Variants in HDAC4 observed in about 807,000 individuals in gnomAD.
HDAC4 encodes the protein histone deacetylase 4, also known as histone deacetylase A.
Under a neutral mutation model 135.1 loss-of-function variants are expected in HDAC4, and 16 were observed. The ratio of observed to expected loss-of-function variants is 0.12; its 90% confidence interval spans 0.08 to 0.18. HDAC4 has a LOEUF of 0.18. Among genes scored for constraint, HDAC4 ranks in the 10% least tolerant of loss-of-function variants. The pLI, the probability that HDAC4 is intolerant of heterozygous loss-of-function variation, is 1.00. For synonymous variants in HDAC4, 685 were observed against 653.4 expected, an observed-to-expected ratio of 1.05 and a Z score of -0.74; for missense variants, 1,143 against 1,511.8, an observed-to-expected ratio of 0.76 and a Z score of 4.05.
intron 2 of HDAC4, among the ~76,000 whole-genome samples, chr2:239,274,770 A>G (rs535184284): frequency 3.9e-5 from 6 of 152,218 alleles, no homozygotes; most frequent in African/African-American, 1.4e-4. Flanking sequence ...GCTGCTCCAG[A>G]AAAGAAAAGG....
chr2:239,209,907 G>A (rs1311707522), intron 3 of HDAC4, among the ~76,000 whole-genome samples: 1 of 152,180 alleles, frequency 6.6e-6, no homozygotes, highest in Non-Finnish European at 1.5e-5. Context: ...TGTTAGTGAG[G>A]GCGGAAAGGC....
chr2:239,194,471 C>T (rs903298470), intron 3 of HDAC4, among the ~76,000 whole-genome samples: 1 of 152,206 alleles, frequency 6.6e-6, no homozygotes, highest in Non-Finnish European at 1.5e-5. Context: ...ACGCTCCTGC[C>T]CGCCTCACAG....
rs144383583 is a variant in HDAC4 at position 239,288,193 on chromosome 2, C to T, written c.23-51529G>A. Among the ~76,000 whole-genome samples the T allele has an allele frequency of 3.1e-3, 466 of 152,168 alleles. 4 individuals carry two copies. The highest frequency in any genetic ancestry group is 3.7e-3 in the Non-Finnish European group (253 of 68,022). ...ATTTATCACAAACAAGCTGAATCCA[C>T]TGGAAGAGATAAGGGAAGTTTAACA... On this transcript the variant is annotated intron_variant, in intron 2 of 26. Transcript: ENST00000543185.
intron 3 of HDAC4, 89 bp from the exon 4 acceptor site, chr2:239,190,166 T>A: frequency 2.0e-5 from 22 of 1,090,890 alleles, no homozygotes; most frequent in South Asian, 3.1e-5. Context: ...CTGGCCACCT[T>A]CACGGGGCGG....
intron 1 of HDAC4, among the ~76,000 whole-genome samples, chr2:239,357,477 CAACAG>C (rs368499905): frequency 2.0e-5 from 3 of 150,462 alleles, no homozygotes; most frequent in Admixed American, 6.6e-5. Context: ...TAACAGAAGA[CAACAG>C]AACAGAGAAA....
intron 3 of HDAC4, among the ~76,000 whole-genome samples, chr2:239,216,859 G>A (rs2046670373): frequency 6.6e-6 from 1 of 152,234 alleles, no homozygotes; most frequent in African/African-American, 2.4e-5. Context: ...AGGCAAGTCA[G>A]AATGTGCACA....
intron 20 of HDAC4, among the ~76,000 whole-genome samples, chr2:239,083,572 T>G (rs1436302284): frequency 1.3e-5 from 2 of 152,244 alleles, no homozygotes; most frequent in African/African-American, 4.8e-5. Context: ...ATATCTGGCT[T>G]TAAAAAGAGT....
Position 239,309,113 on chromosome 2 carries a change from C to G in HDAC4, c.22+43565G>C, listed in dbSNP as rs369092030. 6.6e-6 allele frequency: 1 copy of G among 152,144 alleles called. No individual in the cohort carries two copies. The highest frequency in any genetic ancestry group is 1.5e-5 in the Non-Finnish European group (1 of 68,024). The allele number at this position is 152,144 out of a possible 1,614,324, so 9.4% of individuals were successfully genotyped here. A position where few individuals can be genotyped will look rare whatever the true frequency, so the allele number is the denominator to read the frequency against. ...TTCAGCCCAGACTTTCGCTTAATCC[C>G]GGAAACTGCTCCAAAGGCGTTTTTC... On this transcript the variant is annotated intron_variant, in intron 2 of 26. Coordinates refer to ENST00000543185, the MANE Select transcript of HDAC4 (RefSeq NM_001378414.1). This position sits in a 1 kb window ranked among gnomAD's most constrained non-coding sequence, Gnocchi z 4.2.
intron 4 of HDAC4, among the ~76,000 whole-genome samples, chr2:239,184,076 A>AG (rs2044331649): frequency 6.8e-6 from 1 of 146,098 alleles, no homozygotes; most frequent in South Asian, 2.2e-4. Context: ...GTGTAAAAAA[A>AG]AAAAAAAAAA....
chr2:239,206,875 T>A (rs2153086659), intron 3 of HDAC4, among the ~76,000 whole-genome samples: 1 of 152,334 alleles, frequency 6.6e-6, no homozygotes, highest in Admixed American at 6.5e-5. Context: ...TCATCTTGTC[T>A]AAATATGTAC....
intron 2 of HDAC4, among the ~76,000 whole-genome samples, chr2:239,280,275 A>G (rs2050628140): frequency 6.6e-6 from 1 of 152,070 alleles, no homozygotes; most frequent in Non-Finnish European, 1.5e-5. Context: ...AGTGCCTCGT[A>G]CTCCCGAGAC....
chr2:239,401,250 C>A (rs1452065058), upstream of HDAC4, among the ~76,000 whole-genome samples: 1 of 152,092 alleles, frequency 6.6e-6, no homozygotes, highest in African/African-American at 2.4e-5. Flanking sequence ...TGCGCACAGC[C>A]CGTCTGCTCC....
chr2:239,362,976 A>G (rs1693954280), intron 1 of HDAC4, among the ~76,000 whole-genome samples: 1 of 152,242 alleles, frequency 6.6e-6, no homozygotes, highest in African/African-American at 2.4e-5. Flanking sequence ...TCAATAATGT[A>G]CCAAAATCAA....
intron 1 of HDAC4, among the ~76,000 whole-genome samples, chr2:239,385,714 G>A (rs963653275): frequency 6.6e-6 from 1 of 152,228 alleles, no homozygotes; most frequent in Non-Finnish European, 1.5e-5. Flanking sequence ...CAGGACACAG[G>A]GAGCCTGACT....
intron 19 of HDAC4, among the ~76,000 whole-genome samples, chr2:239,084,521 C>T (rs2035689254): frequency 6.6e-6 from 1 of 150,926 alleles, no homozygotes; most frequent in African/African-American, 2.4e-5. Flanking sequence ...GAATCTTAGC[C>T]AATGCCATAG....
intron 2 of HDAC4, among the ~76,000 whole-genome samples, chr2:239,242,062 GAAAA>G (rs1361113179): frequency 2.5e-5 from 3 of 122,152 alleles, no homozygotes; most frequent in Non-Finnish European, 5.2e-5. Flanking sequence ...AAAGAAAAGA[GAAAA>G]AGAAAGAAAG....
At chr2:239,258,762 G>A (rs889854674) in intron 2 of HDAC4, among the ~76,000 whole-genome samples, 2 of 152,168 alleles carry the variant, frequency 1.3e-5, no homozygotes, top group Non-Finnish European at 2.9e-5. Flanking sequence ...GAAGAGACAG[G>A]ACAAAGGAGT....
intron 4 of HDAC4, among the ~76,000 whole-genome samples, chr2:239,183,692 C>T (rs2044302228): frequency 6.6e-6 from 1 of 152,198 alleles, no homozygotes; most frequent in East Asian, 1.9e-4. Flanking sequence ...TGCTCCAAAC[C>T]AAGAGTGTGC....
chr2:239,055,163 G>C, intron 24 of HDAC4: 2 of 339,164 alleles, frequency 5.9e-6, no homozygotes, highest in South Asian at 5.0e-5. Flanking sequence ...GAGGGGGAGT[G>C]ACGCTTACTT....
Sources: allele counts gnomAD v4.1 joint callset (sites outside exome capture counted in the v4.1 genomes callset), GRCh38; gene constraint gnomAD v4.1.1; non-coding constraint Gnocchi (gnomAD v3.1); transcripts MANE v1.5; gene names NCBI Gene and HGNC (gene_info 2026-07-23, HGNC 2026-07-21).